TRPM1: variants seen among roughly 807,000 people sequenced by gnomAD.
The protein encoded by TRPM1 is TRPM1-203 APA Isoform, Intron 10.
In TRPM1, 113 loss-of-function variants were observed where a neutral mutation model predicts 149.4. That is an observed-to-expected ratio of 0.76 (90% CI 0.65 to 0.88). The LOEUF is 0.88. Ranked by LOEUF, TRPM1 falls within the 40% of genes least tolerant of loss-of-function variation. The pLI, the probability that TRPM1 is intolerant of heterozygous loss-of-function variation, is 0.00. For missense variants in TRPM1, 1,976 were observed against 2,038.7 expected (o/e 0.97, Z 0.59); for synonymous variants, 741 against 759.5 (o/e 0.98, Z 0.40).
chr15:31,072,455 A>G (rs28878478), intron 3 of TRPM1, among the ~76,000 whole-genome samples: 38,650 of 152,040 alleles, frequency 0.25, 5,186 homozygotes, highest in Admixed American at 0.33. Context: ...CGCACTCTTC[A>G]GCTGTTATGA....
At chr15:31,108,841 A>G (rs924765817) in intron 1 of TRPM1, among the ~76,000 whole-genome samples, 3 of 152,168 alleles carry the variant, frequency 2.0e-5, no homozygotes, top group African/African-American at 7.2e-5. Flanking sequence ...AATATGGTGA[A>G]ATTTTGACTG....
chr15:31,033,216 T>A (rs1468235503), intron 21 of TRPM1, among the ~76,000 whole-genome samples: 1 of 152,206 alleles, frequency 6.6e-6, no homozygotes, highest in African/African-American at 2.4e-5. Flanking sequence ...GCATTTTGAT[T>A]TCTTTTTTAA....
At chr15:31,026,111 G>C in intron 27 of TRPM1, 28 bp downstream of exon 27, 2 of 1,608,476 alleles carry the variant, frequency 1.2e-6, no homozygotes, top group South Asian at 1.1e-5. Context: ...CTTGGCTCAC[G>C]GGCCCGCGGT....
chr15:31,144,058 G>A (rs1320672068), intron 1 of TRPM1, among the ~76,000 whole-genome samples: 1 of 152,128 alleles, frequency 6.6e-6, no homozygotes. Context: ...AAAAGTCATC[G>A]CAGGTGCAGG....
At chr15:31,071,731 T>C (rs1471830465) in intron 3 of TRPM1, among the ~76,000 whole-genome samples, 1 of 151,792 alleles carries the variant, frequency 6.6e-6, no homozygotes, top group Non-Finnish European at 1.5e-5. Context: ...TGAGAGGCCG[T>C]GGCATGTGGA....
intron 1 of TRPM1, among the ~76,000 whole-genome samples, chr15:31,126,189 T>A (rs915469872): frequency 6.6e-6 from 1 of 151,932 alleles, no homozygotes; most frequent in Non-Finnish European, 1.5e-5. Flanking sequence ...AGAGTAAAAA[T>A]TGGCATAATC....
intron 15 of TRPM1, among the ~76,000 whole-genome samples, chr15:31,046,760 A>G (rs535124629): frequency 6.6e-6 from 1 of 152,236 alleles, no homozygotes; most frequent in South Asian, 2.1e-4. Flanking sequence ...GAGCTCTGGG[A>G]GGCTTGAAGC....
rs368081905 is a variant in TRPM1, at chr15:31,040,388, C to T, written c.2088-42G>A. On this transcript the variant is annotated intron_variant, in intron 17 of 27. Transcript: ENST00000256552. This position sits in a 1 kb window ranked among gnomAD's most constrained non-coding sequence, Gnocchi z 4.2. ...GGGACCAGGGTGAAGCCACAGTGGC[C>T]GCAAGCTGTTTCTTAGACAGGCATA... 28 of 1,565,278 alleles carry T rather than the reference C, an allele frequency of 1.8e-5. No individual in the cohort carries two copies. Among genetic ancestry groups the T allele is most frequent in the African/African-American group, 1.1e-4 (8 of 74,056 alleles).
intron 13 of TRPM1, among the ~76,000 whole-genome samples, 190 bp downstream of exon 13, chr15:31,049,185 A>G (rs2033864941): frequency 6.6e-6 from 1 of 152,208 alleles, no homozygotes. Flanking sequence ...CTGGCGAGGC[A>G]TGGCAGGAGG....
intron 3 of TRPM1, among the ~76,000 whole-genome samples, chr15:31,072,677 C>G (rs143945882): frequency 6.6e-6 from 1 of 152,136 alleles, no homozygotes; most frequent in Non-Finnish European, 1.5e-5. Flanking sequence ...CATATCCTCT[C>G]CCACACACTA....
At chr15:31,029,827 T>G (rs115398511) in intron 23 of TRPM1, among the ~76,000 whole-genome samples, 1,584 of 152,258 alleles carry the variant, frequency 0.01, 32 homozygotes, top group African/African-American at 0.036. Flanking sequence ...CATTTAATTA[T>G]GTTACTGAGA....
chr15:31,158,626 C>CA (rs749062439), intron 1 of TRPM1, among the ~76,000 whole-genome samples: 24,257 of 59,406 alleles, frequency 0.41, 4,658 homozygotes, highest in Middle Eastern at 0.51. Context: ...GACTCCATCT[C>CA]AAAAAAAAAA....
chr15:31,097,949 T>G (rs942069364), intron 1 of TRPM1, among the ~76,000 whole-genome samples: 2 of 152,208 alleles, frequency 1.3e-5, no homozygotes, highest in Non-Finnish European at 2.9e-5. Context: ...ATAAAATACC[T>G]CATTAGTATG....
intron 13 of TRPM1, 92 bp downstream of exon 13, chr15:31,049,283 T>A: frequency 6.3e-7 from 1 of 1,585,934 alleles, no homozygotes; most frequent in East Asian, 2.2e-5. Flanking sequence ...CTGAAGGAGG[T>A]CAGATGAGCA....
chr15:31,061,967 T>C (rs922304689), intron 9 of TRPM1, among the ~76,000 whole-genome samples: 4 of 152,108 alleles, frequency 2.6e-5, no homozygotes, highest in Non-Finnish European at 4.4e-5. Context: ...GGATTACAGG[T>C]GTGAGCCACT....
intron 12 of TRPM1, 38 bp downstream of exon 12, chr15:31,050,371 T>C (rs1396798544): frequency 2.5e-6 from 4 of 1,613,746 alleles, no homozygotes; most frequent in Non-Finnish European, 3.4e-6. Flanking sequence ...TGGGGAAGGG[T>C]GATGCCAAGC....
intron 1 of TRPM1, among the ~76,000 whole-genome samples, chr15:31,120,735 A>AG (rs2035863260): frequency 2.6e-5 from 4 of 152,080 alleles, no homozygotes; most frequent in Admixed American, 2.6e-4. Flanking sequence ...CAAAAAAAAA[A>AG]AAATTACTGA....
At chr15:31,097,647 A>C (rs1012748799) in intron 1 of TRPM1, among the ~76,000 whole-genome samples, 2 of 152,216 alleles carry the variant, frequency 1.3e-5, no homozygotes, top group Non-Finnish European at 2.9e-5. Context: ...GAACAAGACT[A>C]ACACAGAACT....
At chr15:31,003,194 T>A (rs1458827064) in intron 27 of TRPM1, 124 bp from the exon 28 acceptor site, 1 of 861,524 alleles carries the variant, frequency 1.2e-6, no homozygotes, top group South Asian at 1.9e-5. Flanking sequence ...TTGAGTATAT[T>A]TACAAGCTTC....
Sources: allele counts gnomAD v4.1 joint callset (sites outside exome capture counted in the v4.1 genomes callset), GRCh38; gene constraint gnomAD v4.1.1; non-coding constraint Gnocchi (gnomAD v3.1); transcripts MANE v1.5; gene names NCBI Gene and HGNC (gene_info 2026-07-23, HGNC 2026-07-21).